Variants in HLCS observed in about 807,000 individuals in gnomAD.
HLCS encodes holocarboxylase synthetase, also known as biotin--protein ligase.
Under a neutral mutation model 75.0 loss-of-function variants are expected in HLCS, and 53 were observed. The ratio of observed to expected loss-of-function variants is 0.71; its 90% CI spans 0.57 to 0.89. The LOEUF (loss-of-function observed/expected upper bound fraction) is 0.89. HLCS is among the 40% of genes least tolerant of loss of function. The pLI is 0.00. For synonymous variants in HLCS, 431 were observed against 428.6 expected, an observed-to-expected ratio of 1.01 and a Z score of -0.07; for missense variants, 966 against 1,074.0, an observed-to-expected ratio of 0.90 and a Z score of 1.41.
chr21:36,959,272 G>A (rs4816552), intron 2 of HLCS, among the ~76,000 whole-genome samples: 93,627 of 152,126 alleles, frequency 0.62, 29,123 homozygotes, highest in East Asian at 0.75. Flanking sequence ...CGGCCAGGTG[G>A]GTGCTGCTCA....
intron 6 of HLCS, among the ~76,000 whole-genome samples, chr21:36,859,195 G>C (rs1030826206): frequency 1.3e-5 from 2 of 152,070 alleles, no homozygotes; most frequent in African/African-American, 4.8e-5. Flanking sequence ...GCTAATTGTT[G>C]TATTTTTAGT....
chr21:36,965,442 T>C (rs1015038634), intron 1 of HLCS, among the ~76,000 whole-genome samples: 10 of 152,198 alleles, frequency 6.6e-5, no homozygotes, highest in Admixed American at 3.3e-4. Context: ...ATTGTTCCCT[T>C]TACAGCAAGG....
intron 6 of HLCS, among the ~76,000 whole-genome samples, chr21:36,827,817 CTTT>C (rs60457236): frequency 7.2e-6 from 1 of 138,828 alleles, no homozygotes. Flanking sequence ...TTCTTTCTTT[CTTT>C]TTTTTTTTTT....
At chr21:36,925,809 A>G (rs1456557131) in intron 5 of HLCS, among the ~76,000 whole-genome samples, 3 of 152,256 alleles carry the variant, frequency 2.0e-5, no homozygotes, top group African/African-American at 7.2e-5. Context: ...AGAAACAGAA[A>G]CAAGGCAGCT....
At position 36,932,855 on chromosome 21, in the gene HLCS, C is replaced by A. The variant is rs111619592; in HGVS notation, c.1438-2422G>T. ...AGGCTTAGCTGGGTGTGGTGGCTCA[C>A]GCCTATAATCCCAGCACTTTGGCAG... On this transcript the variant is annotated intron_variant, in intron 4 of 10. Transcript: ENST00000674895. 3.3e-5 allele frequency among the ~76,000 whole-genome samples: 5 copies of A among 152,314 alleles called. No individual in the cohort carries two copies. The South Asian group carries it at 1.0e-3, about 32-fold the overall frequency.
At chr21:36,874,213 T>C (rs1256872708) in intron 6 of HLCS, among the ~76,000 whole-genome samples, 4 of 152,002 alleles carry the variant, frequency 2.6e-5, no homozygotes, top group African/African-American at 9.7e-5. Context: ...TCAAAGGCCC[T>C]AACACAGTGA....
intron 6 of HLCS, among the ~76,000 whole-genome samples, chr21:36,797,208 C>T (rs971787466): frequency 2.6e-5 from 4 of 152,088 alleles, no homozygotes; most frequent in African/African-American, 7.2e-5. Flanking sequence ...TAACTCATGG[C>T]TGTACCATCC....
chr21:36,897,315 C>T (rs762990374), intron 5 of HLCS, among the ~76,000 whole-genome samples, 184 bp from the exon 6 acceptor site: 3 of 152,106 alleles, frequency 2.0e-5, no homozygotes, highest in Non-Finnish European at 4.4e-5. Context: ...ACTTAGTATA[C>T]TTATACTATA....
intron 8 of HLCS, among the ~76,000 whole-genome samples, chr21:36,764,678 G>A (rs551322576): frequency 3.9e-5 from 6 of 152,112 alleles, no homozygotes; most frequent in African/African-American, 1.2e-4. Context: ...GCACTCCAGC[G>A]TGGGTGACAG....
intron 1 of HLCS, among the ~76,000 whole-genome samples, chr21:36,984,031 T>G (rs961447178): frequency 6.6e-6 from 1 of 151,572 alleles, no homozygotes; most frequent in Admixed American, 6.6e-5. Context: ...TAGAGATGGG[T>G]TCTTGCTATG....
At chr21:36,784,384 CA>C (rs1327700009) in intron 6 of HLCS, among the ~76,000 whole-genome samples, 1 of 149,998 alleles carries the variant, frequency 6.7e-6, no homozygotes, top group Non-Finnish European at 1.5e-5. Context: ...GGCACTATCT[CA>C]GCTCACTGAA....
chr21:36,883,222 G>A (rs2064305550), intron 6 of HLCS, among the ~76,000 whole-genome samples: 1 of 152,158 alleles, frequency 6.6e-6, no homozygotes, highest in Non-Finnish European at 1.5e-5. Context: ...GCAGGTGAAA[G>A]CAAATCAACT....
chr21:36,965,317 A>G (rs1013674662), intron 1 of HLCS, among the ~76,000 whole-genome samples: 1 of 152,266 alleles, frequency 6.6e-6, no homozygotes, highest in Non-Finnish European at 1.5e-5. Context: ...ACAGATTAAA[A>G]GCAAAACACG....
At chr21:36,800,436 A>G (rs8127309) in intron 6 of HLCS, among the ~76,000 whole-genome samples, 44,465 of 152,046 alleles carry the variant, frequency 0.29, 6,691 homozygotes, top group South Asian at 0.33. Flanking sequence ...AGATGCAGTC[A>G]CAGGAATGAT....
At chr21:36,778,163 G>A (rs1244910953) in intron 6 of HLCS, among the ~76,000 whole-genome samples, 2 of 152,084 alleles carry the variant, frequency 1.3e-5, no homozygotes, top group South Asian at 4.2e-4. Flanking sequence ...TAGAGATGGG[G>A]TTTCACCATG....
chr21:36,871,366 T>C (rs2063764027), intron 6 of HLCS, among the ~76,000 whole-genome samples: 1 of 152,164 alleles, frequency 6.6e-6, no homozygotes, highest in Admixed American at 6.5e-5. Context: ...CTTTTAACTT[T>C]ATACTTTTTA....
At chr21:36,941,323 T>C (rs1293529423) in intron 2 of HLCS, among the ~76,000 whole-genome samples, 3 of 152,200 alleles carry the variant, frequency 2.0e-5, no homozygotes, top group Non-Finnish European at 4.4e-5. Flanking sequence ...TGATGGTAAA[T>C]TTCCTGAGGC....
intron 6 of HLCS, among the ~76,000 whole-genome samples, chr21:36,873,390 A>G (rs2063841434): frequency 6.6e-6 from 1 of 152,208 alleles, no homozygotes; most frequent in African/African-American, 2.4e-5. Flanking sequence ...TGCTGGGATC[A>G]CAAGCGTGAG....
At chr21:36,872,931 T>C (rs376183303) in intron 6 of HLCS, among the ~76,000 whole-genome samples, 27 of 152,312 alleles carry the variant, frequency 1.8e-4, no homozygotes, top group African/African-American at 6.3e-4. Flanking sequence ...TATCATTTTA[T>C]ATTCCCACCA....
Sources: allele counts gnomAD v4.1 joint callset (sites outside exome capture counted in the v4.1 genomes callset), GRCh38; gene constraint gnomAD v4.1.1; transcripts MANE v1.5; gene names NCBI Gene and HGNC (gene_info 2026-07-23, HGNC 2026-07-21).